TTC39C: variants seen among roughly 807,000 people sequenced by gnomAD.
The protein encoded by TTC39C is tetratricopeptide repeat domain 39C.
In TTC39C, 33 loss-of-function variants were observed where a neutral mutation model predicts 76.3. The observed-to-expected ratio is 0.43, with a 90% CI of 0.33 to 0.58. The LOEUF (loss-of-function observed/expected upper bound fraction) is 0.58. Among genes scored for constraint, TTC39C ranks in the 20% least tolerant of loss-of-function variants. The pLI is 0.04. For missense variants in TTC39C, 595 were observed against 701.4 expected, an observed-to-expected ratio of 0.85 and a Z score of 1.71; for synonymous variants, 254 against 260.6, an observed-to-expected ratio of 0.97 and a Z score of 0.24.
intron 1 of TTC39C, among the ~76,000 whole-genome samples, chr18:24,023,994 A>ACG (rs2083561336): frequency 2.5e-4 from 1 of 4,036 alleles, no homozygotes; most frequent in Non-Finnish European, 5.9e-4. Context: ...ATATATATAT[A>ACG]TATATATATA....
intron 6 of TTC39C, among the ~76,000 whole-genome samples, chr18:24,086,205 TA>T (rs2145767913): frequency 6.6e-6 from 1 of 152,338 alleles, no homozygotes; most frequent in Admixed American, 6.5e-5. Flanking sequence ...GAACATGGTC[TA>T]GGGGCTTTAA....
At chr18:24,065,931 A>T in intron 2 of TTC39C, 81 bp from the exon 3 acceptor site, 2 of 1,392,524 alleles carry the variant, frequency 1.4e-6, no homozygotes, top group Non-Finnish European at 1.9e-6. Context: ...TGTTTTTTTA[A>T]TTTGGAGTTT....
At chr18:24,024,011 TATA>T (rs1350772643) in intron 1 of TTC39C, among the ~76,000 whole-genome samples, 5 of 24,744 alleles carry the variant, frequency 2.0e-4, no homozygotes, top group African/African-American at 8.0e-4. Context: ...TATATATATA[TATA>T]TATTTTTTTT....
intron 1 of TTC39C, chr18:24,022,823 G>C (rs546686034): frequency 1.6e-5 from 16 of 985,230 alleles, no homozygotes; most frequent in Non-Finnish European, 1.3e-5. Context: ...TAGTTGTGCT[G>C]GAATATTTTA....
chr18:24,020,240 C>T, intron 1 of TTC39C: 1 of 1,051,018 alleles, frequency 9.5e-7, no homozygotes, highest in Non-Finnish European at 1.1e-6. Flanking sequence ...TTTCCCCCAA[C>T]TATTACACTG....
At chr18:23,996,116 A>G (rs1402399943) in intron 1 of TTC39C, among the ~76,000 whole-genome samples, 2 of 152,222 alleles carry the variant, frequency 1.3e-5, no homozygotes, top group Non-Finnish European at 2.9e-5. Flanking sequence ...GTAGGTGTGT[A>G]GTGGAACTTC....
At chr18:24,071,416 A>G (rs377634545) in intron 4 of TTC39C, among the ~76,000 whole-genome samples, 14 of 152,316 alleles carry the variant, frequency 9.2e-5, no homozygotes, top group South Asian at 4.1e-4. Flanking sequence ...CTGATTGTAA[A>G]ATTACTAAAT....
intron 1 of TTC39C, among the ~76,000 whole-genome samples, chr18:24,048,426 GT>G (rs1287569660): frequency 1.3e-5 from 2 of 152,174 alleles, no homozygotes; most frequent in Admixed American, 6.5e-5. Context: ...TAAATGAGGT[GT>G]TTTTATGCCC....
chr18:24,077,599 A>G (rs1311763788), intron 4 of TTC39C, among the ~76,000 whole-genome samples: 1 of 152,152 alleles, frequency 6.6e-6, no homozygotes, highest in Non-Finnish European at 1.5e-5. Flanking sequence ...AATGTTTTAT[A>G]GTTCTTTGGC....
chr18:24,073,767 G>T (rs980114796), intron 4 of TTC39C, among the ~76,000 whole-genome samples: 10 of 152,176 alleles, frequency 6.6e-5, no homozygotes, highest in Non-Finnish European at 1.2e-4. Context: ...CAATCCTTCC[G>T]CCTTGTCCTC....
chr18:24,024,001 TA>T (rs2083562704), intron 1 of TTC39C, among the ~76,000 whole-genome samples: 5 of 11,304 alleles, frequency 4.4e-4, no homozygotes, highest in Non-Finnish European at 8.7e-4. Context: ...TATATATATA[TA>T]TATATATATA....
intron 5 of TTC39C, among the ~76,000 whole-genome samples, chr18:24,082,070 T>C (rs966659878): frequency 6.9e-6 from 1 of 144,384 alleles, no homozygotes; most frequent in East Asian, 2.0e-4. Flanking sequence ...CAGGGTGGAG[T>C]GCAGTGGCGC....
At chr18:24,030,559 T>C (rs1391542839) in intron 1 of TTC39C, among the ~76,000 whole-genome samples, 1 of 152,110 alleles carries the variant, frequency 6.6e-6, no homozygotes, top group African/African-American at 2.4e-5. Context: ...GGGGGTCAAG[T>C]TGGTCATAGG....
chr18:24,023,981 C>CTATATCTATATCTATATCT (rs1413099935), intron 1 of TTC39C, among the ~76,000 whole-genome samples: 4 of 17,860 alleles, frequency 2.2e-4, no homozygotes, highest in Non-Finnish European at 5.0e-4. Flanking sequence ...TATATATATA[C>CTATATCTATATCTATATCT]ATATATATAT....
Position 24,023,955 on chromosome 18 carries a change from TATATATATATATATATATATATATA to T in TTC39C, c.167+8918_167+8942del, listed in dbSNP as rs1568408736. Among the ~76,000 whole-genome samples the T allele has an allele frequency of 4.6e-3, 49 of 10,650 alleles. 8 individuals are homozygous for T. Among genetic ancestry groups the T allele is most frequent in the Non-Finnish European group, 0.019 (31 of 1,620 alleles). 7.0% of individuals were successfully genotyped at this position (10,650 alleles called of 152,430 possible). A position where few individuals can be genotyped will look rare whatever the true frequency, so the allele number is the denominator to read the frequency against. Reference sequence around the variant, plus strand: ...TTACATATATATATATGCATGTATATATATATATATATATATATATATATACATATATATATATATATATATATAT... The same window carrying T: ...TTACATATATATATATGCATGTATATCATATATATATATATATATATATAT... On this transcript the variant is annotated intron_variant, in intron 1 of 13. Coordinates refer to ENST00000317571, the MANE Select transcript of TTC39C (RefSeq NM_001135993.2).
At position 24,134,099 on chromosome 18, in the gene TTC39C, T is replaced by C. The variant is rs2085166831; in HGVS notation, c.*1525T>C. The stretch of plus-strand genomic sequence containing the variant: ...ACTGACCACTTTTCAGTAGACTGTT[T>C]CCAAAATGTGTATTCACATTGACTT... On this transcript the variant is annotated 3_prime_UTR_variant, in exon 14 of 14. Transcript: ENST00000317571. 6.5e-6 allele frequency: 1 copy of C among 154,678 alleles called. No homozygotes were observed. Among genetic ancestry groups the C allele is most frequent in the Non-Finnish European group, 1.5e-5 (1 of 68,208 alleles). 9.6% of individuals were successfully genotyped at this position (154,678 alleles called of 1,614,324 possible).
chr18:24,012,145 T>A (rs1238689882), upstream of TTC39C, among the ~76,000 whole-genome samples: 1 of 147,412 alleles, frequency 6.8e-6, no homozygotes, highest in Admixed American at 6.9e-5. Flanking sequence ...AGTCCACGTG[T>A]TCTCTTCCTT....
At chr18:24,000,483 G>A (rs1474346157) in intron 1 of TTC39C, 1 of 152,224 alleles carries the variant, frequency 6.6e-6, no homozygotes, top group South Asian at 2.1e-4. Context: ...TAGTCCTCCA[G>A]AACTGTGAGA....
chr18:24,056,582 TC>T (rs375102288), intron 1 of TTC39C, among the ~76,000 whole-genome samples: 1 of 150,778 alleles, frequency 6.6e-6, no homozygotes, highest in Non-Finnish European at 1.5e-5. Context: ...TTTCAGGAAA[TC>T]ATCATCAGTC....
Sources: allele counts gnomAD v4.1 joint callset (sites outside exome capture counted in the v4.1 genomes callset), GRCh38; gene constraint gnomAD v4.1.1; transcripts MANE v1.5; gene names NCBI Gene and HGNC (gene_info 2026-07-23, HGNC 2026-07-21).